The following COL8A1 variants were observed in gnomAD, a reference collection of about 807,000 sequenced individuals.
The protein encoded by COL8A1 is collagen alpha-1(VIII) chain.
COL8A1 carries 21 observed loss-of-function variants against 42.7 expected under a neutral mutation model. The observed-to-expected ratio is 0.49, with a 90% CI of 0.35 to 0.71. The LOEUF (loss-of-function observed/expected upper bound fraction) is 0.71. Among genes scored for constraint, COL8A1 ranks in the 30% least tolerant of loss-of-function variants. COL8A1 has a pLI of 0.01. For synonymous variants in COL8A1, 367 were observed against 369.1 expected, an observed-to-expected ratio of 0.99 and a Z score of 0.06; for missense variants, 788 against 962.4, an observed-to-expected ratio of 0.82 and a Z score of 2.40.
At chr3:99,683,574 CA>C (rs1938956603) in intron 1 of COL8A1, among the ~76,000 whole-genome samples, 1 of 151,826 alleles carries the variant, frequency 6.6e-6, no homozygotes, top group Non-Finnish European at 1.5e-5. Flanking sequence ...CTCTTTTTGG[CA>C]GCTCTTGAGG....
chr3:99,655,942 A>C (rs1236050619), intron 1 of COL8A1, among the ~76,000 whole-genome samples: 1 of 152,238 alleles, frequency 6.6e-6, no homozygotes, highest in East Asian at 1.9e-4. Context: ...GTAAGAAAAA[A>C]AGAAGCTATA....
At chr3:99,722,232 G>A (rs1280857364) in intron 1 of COL8A1, among the ~76,000 whole-genome samples, 1 of 152,050 alleles carries the variant, frequency 6.6e-6, no homozygotes, top group Non-Finnish European at 1.5e-5. Context: ...ATGAAAGACA[G>A]GAAACACATC....
intron 1 of COL8A1, among the ~76,000 whole-genome samples, chr3:99,658,188 C>T (rs1938088806): frequency 6.6e-6 from 1 of 151,980 alleles, no homozygotes; most frequent in Non-Finnish European, 1.5e-5. Flanking sequence ...GTCCTGAAAC[C>T]ATCTCAGGCC....
intron 1 of COL8A1, among the ~76,000 whole-genome samples, chr3:99,656,342 A>G (rs1938022062): frequency 6.6e-6 from 1 of 152,234 alleles, no homozygotes; most frequent in Admixed American, 6.5e-5. Context: ...AGTAGAACAC[A>G]TTATTAACTT....
At chr3:99,750,841 G>C (rs1351840824) in intron 2 of COL8A1, among the ~76,000 whole-genome samples, 1 of 152,130 alleles carries the variant, frequency 6.6e-6, no homozygotes, top group Non-Finnish European at 1.5e-5. Context: ...TTGTTATTGT[G>C]GCAATCAGAA....
intron 1 of COL8A1, among the ~76,000 whole-genome samples, chr3:99,639,303 C>T (rs578173616): frequency 3.3e-5 from 5 of 152,218 alleles, no homozygotes; most frequent in African/African-American, 9.6e-5. Context: ...TATCTTTTCA[C>T]GACATCCTAA....
intron 1 of COL8A1, among the ~76,000 whole-genome samples, chr3:99,721,643 T>C (rs894701319): frequency 2.0e-5 from 3 of 152,146 alleles, no homozygotes; most frequent in African/African-American, 7.2e-5. Context: ...GCTTAAATTT[T>C]ATAACAATTA....
Position 99,796,054 on chromosome 3 carries a change from T to C in COL8A1, c.2153T>C (p.Met718Thr), listed in dbSNP as rs762606970. 10 of 1,612,394 alleles carry C rather than the reference T, an allele frequency of 6.2e-6. No homozygotes were observed. Among genetic ancestry groups the C allele is most frequent in the Middle Eastern group, 3.3e-4 (2 of 6,060 alleles). ...LRPGDRVFLQMPSEQAAGLYA... is the reference protein window; with the variant it reads ...LRPGDRVFLQTPSEQAAGLYA... ...CCCGGAGACCGGGTGTTCCTCCAGA[T>C]GCCCTCAGAACAGGCTGCAGGACTG... The change falls in exon 4 of 4, where the codon ATG becomes ACG. Residue 718 changes from methionine to threonine, a missense_variant. This residue lies in a region of COL8A1 where 212 missense variants were observed against 210.9 expected (regional missense o/e 1.00). Coordinates refer to ENST00000652472, the MANE Select transcript of COL8A1 (RefSeq NM_020351.4).
chr3:99,693,357 A>C (rs1383499249), intron 1 of COL8A1, among the ~76,000 whole-genome samples: 1 of 152,234 alleles, frequency 6.6e-6, no homozygotes, highest in African/African-American at 2.4e-5. Context: ...TAACTGTAAA[A>C]CAGCCTCAGG....
intron 2 of COL8A1, among the ~76,000 whole-genome samples, chr3:99,763,522 A>T (rs1941403382): frequency 6.6e-6 from 1 of 152,172 alleles, no homozygotes; most frequent in Admixed American, 6.5e-5. Context: ...TAAACACTTT[A>T]CATGCATATA....
intron 1 of COL8A1, among the ~76,000 whole-genome samples, chr3:99,669,833 C>T (rs559112007): frequency 6.6e-6 from 1 of 152,070 alleles, no homozygotes; most frequent in South Asian, 2.1e-4. Context: ...ATCTAATTGC[C>T]ATGGTGTGAT....
chr3:99,739,043 T>C (rs1466864882), intron 1 of COL8A1, among the ~76,000 whole-genome samples: 2 of 152,204 alleles, frequency 1.3e-5, no homozygotes, highest in Admixed American at 1.3e-4. Flanking sequence ...CCTGACCCCT[T>C]GCGCTTCCCA....
At chr3:99,754,155 C>A (rs1559627559) in intron 2 of COL8A1, among the ~76,000 whole-genome samples, 2 of 152,116 alleles carry the variant, frequency 1.3e-5, no homozygotes, top group African/African-American at 2.4e-5. Flanking sequence ...AATGTTTCTA[C>A]CTACAGAAAG....
At chr3:99,726,521 C>G (rs1940331725) in intron 1 of COL8A1, among the ~76,000 whole-genome samples, 1 of 151,550 alleles carries the variant, frequency 6.6e-6, no homozygotes, top group Non-Finnish European at 1.5e-5. Flanking sequence ...CCTAGGTTTT[C>G]TTCTAGGGTT....
At chr3:99,676,211 C>G (rs979376771) in intron 1 of COL8A1, among the ~76,000 whole-genome samples, 2 of 152,110 alleles carry the variant, frequency 1.3e-5, no homozygotes, top group African/African-American at 2.4e-5. Context: ...AAGAAAACTC[C>G]ACATCCAGGT....
Position 99,795,083 on chromosome 3 carries a change from G to C in COL8A1, c.1182G>C (p.Leu394=). The C allele has an allele frequency of 1.2e-6, 2 of 1,612,208 alleles. No homozygotes were observed. Among genetic ancestry groups the C allele is most frequent in the East Asian group, 2.2e-5 (1 of 44,838 alleles). Residue 394 remains leucine (L), a synonymous_variant, in exon 4 of 4, where the codon CTG becomes CTC. Transcript: ENST00000652472. ...GIGGPPGEPG[L]PGIPGPMGPP... is the part of the protein sequence containing the mutation. Reference sequence around the variant, plus strand: ...GGGGTCCTCCAGGAGAGCCAGGCCTGCCTGGAATCCCAGGTCCTATGGGCC... The same window carrying C: ...GGGGTCCTCCAGGAGAGCCAGGCCTCCCTGGAATCCCAGGTCCTATGGGCC...
rs943718301 is a variant in COL8A1 at position 99,639,148 on chromosome 3, T to C, written c.-129+484T>C. ...AGCTTCTGTGAGTCCTTTAAAAAAATATCTTTCCAGGTTTTAGCGCTTGGA... is the reference window on the plus strand; with the variant it reads ...AGCTTCTGTGAGTCCTTTAAAAAAACATCTTTCCAGGTTTTAGCGCTTGGA... On this transcript the variant is annotated intron_variant, in intron 1 of 3. Coordinates refer to ENST00000652472, the MANE Select transcript of COL8A1 (RefSeq NM_020351.4). 8.4e-4 allele frequency among the ~76,000 whole-genome samples: 128 copies of C among 152,054 alleles called. 1 individual carries two copies. The highest frequency in any genetic ancestry group is 5.9e-5 in the Non-Finnish European group (4 of 68,032).
chr3:99,655,475 A>G (rs1450518783), intron 1 of COL8A1, among the ~76,000 whole-genome samples: 1 of 152,222 alleles, frequency 6.6e-6, no homozygotes, highest in East Asian at 1.9e-4. Context: ...TGACCCTGAA[A>G]TACTGTGAGG....
At chr3:99,711,395 T>C (rs532218145) in intron 1 of COL8A1, among the ~76,000 whole-genome samples, 1 of 152,292 alleles carries the variant, frequency 6.6e-6, no homozygotes, top group East Asian at 1.9e-4. Context: ...TTGTTTTGTT[T>C]TCAGCCTTCT....
Sources: allele counts gnomAD v4.1 joint callset (sites outside exome capture counted in the v4.1 genomes callset), GRCh38; gene constraint gnomAD v4.1.1; regional missense constraint gnomAD v4.1.1; transcripts MANE v1.5; gene names NCBI Gene and HGNC (gene_info 2026-07-23, HGNC 2026-07-21).